The following PKIG variants were observed in gnomAD, a reference collection of about 807,000 sequenced individuals.
PKIG encodes the protein protein kinase (cAMP-dependent, catalytic) inhibitor gamma.
Under a neutral mutation model 6.8 loss-of-function variants are expected in PKIG, and 1 was observed. That is an observed-to-expected ratio of 0.15 (90% confidence interval 0.05 to 0.69). The LOEUF is 0.69. Ranked by LOEUF, PKIG falls within the 30% of genes least tolerant of loss-of-function variation. The pLI, the probability that PKIG is intolerant of heterozygous loss-of-function variation, is 0.82. For missense variants in PKIG, 77 were observed against 104.0 expected, an observed-to-expected ratio of 0.74 and a Z score of 1.13; for synonymous variants, 39 against 43.0, an observed-to-expected ratio of 0.91 and a Z score of 0.36.
At chr20:44,618,168 G>T (rs113208950) in intron 3 of PKIG, 117 bp from the exon 4 acceptor site, 20 of 726,730 alleles carry the variant, frequency 2.8e-5, no homozygotes, top group Non-Finnish European at 4.0e-5. Flanking sequence ...GCTCCAGCTC[G>T]TCTTGCTCCC....
intron 2 of PKIG, among the ~76,000 whole-genome samples, chr20:44,606,161 C>A (rs1356265327): frequency 6.6e-6 from 1 of 152,074 alleles, no homozygotes; most frequent in Non-Finnish European, 1.5e-5. Flanking sequence ...AGAACTCCTA[C>A]AAATCAATAA....
intron 1 of PKIG, among the ~76,000 whole-genome samples, chr20:44,568,258 AT>A (rs780129098): frequency 6.6e-6 from 1 of 152,244 alleles, no homozygotes; most frequent in South Asian, 2.1e-4. Flanking sequence ...AACTTTTCGT[AT>A]TTTTTCTTTT....
chr20:44,537,145 C>T (rs917708637), intron 1 of PKIG, among the ~76,000 whole-genome samples: 1 of 152,060 alleles, frequency 6.6e-6, no homozygotes, highest in Admixed American at 6.6e-5. Flanking sequence ...ACTCTTATCG[C>T]CCAGGCTGGA....
intron 1 of PKIG, among the ~76,000 whole-genome samples, chr20:44,554,845 G>T (rs1000101992): frequency 2.0e-5 from 3 of 152,128 alleles, no homozygotes; most frequent in Non-Finnish European, 4.4e-5. Context: ...GGGCGTGGGG[G>T]CACCTACAGA....
intron 1 of PKIG, among the ~76,000 whole-genome samples, chr20:44,539,473 G>A (rs1350910366): frequency 2.6e-5 from 4 of 151,270 alleles, no homozygotes; most frequent in South Asian, 2.1e-4. Context: ...AGGCTGGAGC[G>A]CAGTGGCGTG....
At chr20:44,540,097 A>C (rs1189813581) in intron 1 of PKIG, among the ~76,000 whole-genome samples, 1 of 152,044 alleles carries the variant, frequency 6.6e-6, no homozygotes, top group Non-Finnish European at 1.5e-5. Flanking sequence ...AGTAGCTGGG[A>C]CTACAGGCGC....
intron 1 of PKIG, among the ~76,000 whole-genome samples, chr20:44,574,617 A>AGGCT: frequency 6.6e-6 from 1 of 152,240 alleles, no homozygotes; most frequent in East Asian, 1.9e-4. Context: ...CCTGTCACCC[A>AGGCT]GGCTGGAGTG....
chr20:44,614,940 G>A lies in PKIG; in HGVS notation c.151+233G>A, dbSNP rs1180573180. On this transcript the variant is annotated intron_variant, in intron 3 of 3. Coordinates refer to ENST00000372886, the MANE Select transcript of PKIG (RefSeq NM_001281445.2). This position sits in a 1 kb window ranked among gnomAD's most constrained non-coding sequence, Gnocchi z 4.6. ...CATCCGGGACTCTTCCTGTCCCCCT[G>A]CCCCCTAGCCCAGGTCCCTCCACTT... Among the ~76,000 whole-genome samples, 2 of 152,036 alleles carry A rather than the reference G, an allele frequency of 1.3e-5. No individual in the cohort carries two copies. Among genetic ancestry groups the A allele is most frequent in the African/African-American group, 2.4e-5 (1 of 41,400 alleles).
At chr20:44,580,553 G>T, upstream of PKIG, among the ~76,000 whole-genome samples, 1 of 151,928 alleles carries the variant, frequency 6.6e-6, no homozygotes, top group African/African-American at 2.4e-5. Context: ...TCACCGTGTT[G>T]CCCAAGCTGG....
intron 1 of PKIG, among the ~76,000 whole-genome samples, chr20:44,566,153 T>A (rs189751994): frequency 6.6e-6 from 1 of 152,390 alleles, no homozygotes; most frequent in Admixed American, 6.5e-5. Context: ...AACTATGGCC[T>A]GCAGGCAAAA....
chr20:44,577,117 G>GT (rs141419687), intron 1 of PKIG, among the ~76,000 whole-genome samples: 6,030 of 148,588 alleles, frequency 0.041, 150 homozygotes, highest in African/African-American at 0.071. Flanking sequence ...TGTGTGTGTG[G>GT]TTTTTTTTTT....
At chr20:44,559,868 T>C (rs1220904586) in intron 1 of PKIG, among the ~76,000 whole-genome samples, 1 of 152,186 alleles carries the variant, frequency 6.6e-6, no homozygotes, top group Non-Finnish European at 1.5e-5. Flanking sequence ...GTGAGATTAA[T>C]TTCAAGAAGA....
At chr20:44,579,364 G>A (rs116385264), upstream of PKIG, among the ~76,000 whole-genome samples, 137 of 152,336 alleles carry the variant, frequency 9.0e-4, no homozygotes, top group African/African-American at 3.2e-3. Flanking sequence ...GCTGCTGTCT[G>A]TGAAAAACAG....
In PKIG at chr20:44,539,605, A is replaced by G. The variant is rs994137107; in HGVS notation, c.-241+7627A>G. On this transcript the variant is annotated intron_variant, in intron 1 of 4. Transcript: ENST00000372887. ...GGCTGATTTTTGTATATTTAGTAGT[A>G]ACAGGGTTTCACCATGTTGACCAGG... 1.7e-4 allele frequency among the ~76,000 whole-genome samples: 26 copies of G among 151,200 alleles called. No individual in the cohort carries two copies. In the Middle Eastern group the frequency reaches 0.01, roughly 60 times the overall value.
At chr20:44,556,831 T>C (rs1011395751) in intron 1 of PKIG, among the ~76,000 whole-genome samples, 6 of 152,168 alleles carry the variant, frequency 3.9e-5, no homozygotes, top group African/African-American at 1.4e-4. Context: ...GGTTTAAGTC[T>C]CCTTCATAAG....
intron 1 of PKIG, among the ~76,000 whole-genome samples, chr20:44,557,667 A>G (rs1439754636): frequency 6.6e-6 from 1 of 151,306 alleles, no homozygotes; most frequent in Non-Finnish European, 1.5e-5. Flanking sequence ...AAAAAAAAAA[A>G]AAAAAAATTA....
At chr20:44,603,063 G>C (rs909495252) in intron 2 of PKIG, among the ~76,000 whole-genome samples, 9 of 152,202 alleles carry the variant, frequency 5.9e-5, no homozygotes, top group African/African-American at 2.2e-4. Flanking sequence ...TTGTTCATCA[G>C]CTATTCATTG....
At chr20:44,543,905 A>C (rs1417489239) in intron 1 of PKIG, among the ~76,000 whole-genome samples, 1 of 152,092 alleles carries the variant, frequency 6.6e-6, no homozygotes, top group African/African-American at 2.4e-5. Context: ...TCTACTAAAA[A>C]TACAAAAAAT....
intron 1 of PKIG, among the ~76,000 whole-genome samples, chr20:44,569,157 G>C (rs73615485): frequency 1.3e-5 from 2 of 152,062 alleles, no homozygotes; most frequent in Non-Finnish European, 1.5e-5. Context: ...ATGTTGTACC[G>C]TTTTCCATTT....
Sources: gnomAD v4.1 joint callset for allele counts (sites outside exome capture counted in the v4.1 genomes callset) on GRCh38, gnomAD v4.1.1 for gene constraint, Gnocchi (gnomAD v3.1) non-coding constraint, MANE v1.5 for transcripts, NCBI Gene and HGNC (gene_info 2026-07-23, HGNC 2026-07-21) for gene names.